The following ODAD3 variants were observed in gnomAD, a reference collection of about 807,000 sequenced individuals.
The protein encoded by ODAD3 is outer dynein arm-docking complex subunit 3.
Under a neutral mutation model 70.9 loss-of-function variants are expected in ODAD3, and 57 were observed. The observed-to-expected ratio is 0.80, with a 90% CI of 0.65 to 1.00. The LOEUF is 1.00. Ranked by LOEUF, ODAD3 falls within the 50% of genes least tolerant of loss-of-function variation. ODAD3 has a pLI of 0.00. For synonymous variants in ODAD3, 327 were observed against 315.9 expected (o/e 1.04, Z -0.37); for missense variants, 797 against 763.9 (o/e 1.04, Z -0.51).
intron 3 of ODAD3, among the ~76,000 whole-genome samples, chr19:11,429,385 G>T (rs1270123457): frequency 1.3e-5 from 2 of 151,108 alleles, no homozygotes; most frequent in African/African-American, 4.9e-5. Context: ...CTAATTTTTT[G>T]TATTTTTATT....
At chr19:11,420,978 G>A in intron 12 of ODAD3, 31 bp from the exon 13 acceptor site, 3 of 1,602,598 alleles carry the variant, frequency 1.9e-6, no homozygotes, top group Admixed American at 1.7e-5. Flanking sequence ...AGCAGGGAGC[G>A]ATGTGGGATC....
chr19:11,426,270 G>A lies in ODAD3; in HGVS notation c.841-4C>T, dbSNP rs541408521. On this transcript the variant is annotated splice_region_variant and splice_polypyrimidine_tract_variant and intron_variant, in intron 6 of 12. Coordinates refer to ENST00000356392, the MANE Select transcript of ODAD3 (RefSeq NM_145045.5). ...CCTCTAGGTACTGCAGCTGGTTCTG[G>A]AGGGCGGGCAGGGTAGCAGGGAGAC... 1.2e-6 allele frequency: 2 copies of A among 1,613,788 alleles called. No homozygotes were observed. The highest frequency in any genetic ancestry group is 1.7e-5 in the Admixed American group (1 of 59,990).
At chr19:11,431,996 C>T (rs2144782874) in intron 1 of ODAD3, among the ~76,000 whole-genome samples, 1 of 151,190 alleles carries the variant, frequency 6.6e-6, no homozygotes, top group South Asian at 2.1e-4. Flanking sequence ...GCCTGTAATC[C>T]CAGCTACAGG....
chr19:11,426,965 G>C lies in ODAD3; in HGVS notation c.520C>G (p.Arg174Gly). The C allele has an allele frequency of 6.2e-7, 1 of 1,608,402 alleles. No homozygotes were observed. ...QNALRHQVVL[R>G]QRRLEELQLQ... ...TGGAGCTCCTCCAGCCGCCTCTGCC[G>C]CAACACCACCTGGTGCCGCAGGGCG... is the stretch of plus-strand genomic sequence containing the variant. The change falls in exon 4 of 13, where the codon CGG (arginine) becomes GGG (glycine). Residue 174 changes from arginine to glycine, a missense_variant. Transcript: ENST00000356392.
rs867077462 is a variant in ODAD3 at position 11,425,153 on chromosome 19, A to G, written c.963+991T>C. Among the ~76,000 whole-genome samples, 141 of 128,430 alleles carry G rather than the reference A, an allele frequency of 1.1e-3. 26 individuals are homozygous for G. The highest frequency in any genetic ancestry group is 3.9e-3 in the African/African-American group (115 of 29,288). 84.3% of individuals were successfully genotyped at this position (128,430 alleles called of 152,430 possible). The stretch of plus-strand genomic sequence containing the variant: ...TGTATATGTGTATATGTACATATGT[A>G]TATATACATATGTGTATATGTACAT... On this transcript the variant is annotated intron_variant, in intron 7 of 12. Coordinates refer to ENST00000356392, the MANE Select transcript of ODAD3 (RefSeq NM_145045.5).
chr19:11,424,971 GTATA>G (rs1219698831), intron 7 of ODAD3, among the ~76,000 whole-genome samples: 1 of 123,458 alleles, frequency 8.1e-6, no homozygotes, highest in East Asian at 2.3e-4. Context: ...GTGTATATAT[GTATA>G]TATGTGTATA....
chr19:11,430,643 T>C, intron 3 of ODAD3, 56 bp downstream of exon 3: 2 of 1,537,580 alleles, frequency 1.3e-6, no homozygotes, highest in Middle Eastern at 1.7e-4. Context: ...TGGAGTCCAG[T>C]GGTGAGGGGA....
chr19:11,427,396 G>A (rs1309369929), intron 3 of ODAD3, among the ~76,000 whole-genome samples: 2 of 150,998 alleles, frequency 1.3e-5, no homozygotes, highest in African/African-American at 2.4e-5. Flanking sequence ...CTGGGTTCAC[G>A]CCATTCTCCT....
chr19:11,424,584 C>A (rs1407286417), intron 7 of ODAD3, among the ~76,000 whole-genome samples: 1 of 124,174 alleles, frequency 8.1e-6, no homozygotes, highest in African/African-American at 3.6e-5. Flanking sequence ...TGTATATATA[C>A]CTATGTGTAT....
chr19:11,422,722 G>A lies in ODAD3; in HGVS notation c.1256C>T (p.Ser419Leu), dbSNP rs587777780. The A allele has an allele frequency of 1.1e-5, 18 of 1,612,322 alleles. No homozygotes were observed. The highest frequency in any genetic ancestry group is 1.4e-5 in the Non-Finnish European group (17 of 1,179,816). Residue 419 changes from serine (S) to leucine (L), a missense_variant, in exon 9 of 13, where the codon TCG becomes TTG. Coordinates refer to ENST00000356392, the MANE Select transcript of ODAD3 (RefSeq NM_145045.5). This position sits in a 1 kb window ranked among gnomAD's most constrained non-coding sequence, Gnocchi z 4.6. ...TCACCTCACCAGCGTGGCCTCCCCC[G>A]AGTACTTGAGGTCTTCCAGCTCCCG... is the stretch of plus-strand genomic sequence containing the variant. Reference protein sequence around the residue: ...LQRELEDLKYSGEATLVSQQK... With the variant: ...LQRELEDLKYLGEATLVSQQK...
chr19:11,434,833 C>A lies in ODAD3; in HGVS notation c.184G>T (p.Ala62Ser), dbSNP rs996181868. 3.1e-6 allele frequency: 5 copies of A among 1,614,202 alleles called. No homozygotes were observed. In the Admixed American group the frequency reaches 6.7e-5, roughly 22 times the overall value. ...RSKGGSFHRGAGKPSVHSQVA... is the reference protein window; with the variant it reads ...RSKGGSFHRGSGKPSVHSQVA... ...TGAGAGTGCACAGAGGGCTTCCCTG[C>A]ACCTCTGTGGAAGGATCCTCCCTTG... The change falls in exon 1 of 13, where the codon GCA becomes TCA. Residue 62 changes from alanine (A) to serine (S), a missense_variant. Transcript: ENST00000356392.
intron 11 of ODAD3, 27 bp from the exon 12 acceptor site, chr19:11,421,239 G>A (rs963954800): frequency 6.2e-7 from 1 of 1,601,520 alleles, no homozygotes; most frequent in South Asian, 1.1e-5. Flanking sequence ...AGCGAGAGAG[G>A]AAGGTGGGCG....
chr19:11,434,850 C>T lies in ODAD3; in HGVS notation c.167G>A (p.Gly56Glu), dbSNP rs759215057. 6.2e-7 allele frequency: 1 copy of T among 1,614,212 alleles called. No homozygotes were observed. The highest frequency in any genetic ancestry group is 1.1e-5 in the South Asian group (1 of 91,090). The change falls in exon 1 of 13, where the codon GGA (glycine) becomes GAA (glutamate). Residue 56 changes from glycine to glutamate, a missense_variant. Gly to Glu is a moderately conservative substitution (Grantham distance 98, BLOSUM62 -2). Coordinates refer to ENST00000356392, the MANE Select transcript of ODAD3 (RefSeq NM_145045.5). ...CTTCCCTGCACCTCTGTGGAAGGAT[C>T]CTCCCTTGGAACGGCCTGGGGTCCA... ...QAWTPGRSKG[G>E]SFHRGAGKPS...
At chr19:11,425,140 T>C (rs1457608773) in intron 7 of ODAD3, among the ~76,000 whole-genome samples, 2 of 136,104 alleles carry the variant, frequency 1.5e-5, no homozygotes, top group South Asian at 2.3e-4. Context: ...TATATGTGTA[T>C]ATGTACATAT....
rs1473483010 is a variant in ODAD3, at chr19:11,434,227, A to C, written c.244+546T>G. 1.8e-4 allele frequency among the ~76,000 whole-genome samples: 19 copies of C among 104,812 alleles called. No individual in the cohort carries two copies. The South Asian group carries it at 3.9e-3, about 21-fold the overall frequency. The allele number at this position is 104,812 out of a possible 152,430, so 68.8% of individuals were successfully genotyped here. ...GACCCTGTCTCAAAAAACAAAAAAC[A>C]AAACAAAAAAAAACGCGGGTGCAGT... is the stretch of plus-strand genomic sequence containing the variant. On this transcript the variant is annotated intron_variant, in intron 1 of 12. Coordinates refer to ENST00000356392, the MANE Select transcript of ODAD3 (RefSeq NM_145045.5).
upstream of ODAD3, chr19:11,435,657 C>CTGCTGGACAAGAGGGGTGCGGTGGA: frequency 7.7e-7 from 1 of 1,291,578 alleles, no homozygotes; most frequent in Non-Finnish European, 1.0e-6. Flanking sequence ...GGAACCGCGG[C>CTGCTGGACAAGAGGGGTGCGGTGGA]TGCTGGACAA....
At chr19:11,428,858 A>T (rs926717018) in intron 3 of ODAD3, among the ~76,000 whole-genome samples, 2 of 143,124 alleles carry the variant, frequency 1.4e-5, no homozygotes, top group African/African-American at 5.3e-5. Context: ...ACTGTGTTTT[A>T]TTTTTTATTT....
At position 11,426,216 on chromosome 19, in the gene ODAD3, C is replaced by T; in HGVS notation, c.891G>A (p.Arg297=). 1 of 1,613,936 alleles carries T rather than the reference C, an allele frequency of 6.2e-7. No homozygotes were observed. Among genetic ancestry groups the T allele is most frequent in the Non-Finnish European group, 8.5e-7 (1 of 1,179,950 alleles). ...EETLVRERKK[R]ERYISECKKR... ...TCTTGCACTCACTTATGTAGCGTTC[C>T]CGCTTCTTGCGCTCTCGAACCAAGG... Residue 297 remains arginine (R), a synonymous_variant, in exon 7 of 13, where the codon CGG becomes CGA. Coordinates refer to ENST00000356392, the MANE Select transcript of ODAD3 (RefSeq NM_145045.5).
intron 7 of ODAD3, among the ~76,000 whole-genome samples, chr19:11,424,996 T>G (rs1201981377): frequency 1.5e-5 from 2 of 133,974 alleles, no homozygotes; most frequent in South Asian, 2.3e-4. Flanking sequence ...TGTACATATG[T>G]GTATATGTAT....
Sources: gnomAD v4.1 joint callset for allele counts (sites outside exome capture counted in the v4.1 genomes callset) on GRCh38, gnomAD v4.1.1 for gene constraint, Gnocchi (gnomAD v3.1) non-coding constraint, MANE v1.5 for transcripts, NCBI Gene and HGNC (gene_info 2026-07-23, HGNC 2026-07-21) for gene names.